The following MLEC variants were observed in gnomAD, a reference collection of about 807,000 sequenced individuals.
MLEC encodes the protein oligosaccharyltransferase complex subunit (non-catalytic).
MLEC carries 7 observed loss-of-function variants against 28.7 expected under a neutral mutation model. The observed-to-expected ratio is 0.24, with a 90% CI of 0.14 to 0.46. MLEC has a LOEUF of 0.46. Among genes scored for constraint, MLEC ranks in the 20% least tolerant of loss-of-function variants. The pLI is 0.99. For missense variants in MLEC, 237 were observed against 391.1 expected (o/e 0.61, Z 3.32); for synonymous variants, 142 against 164.4 (o/e 0.86, Z 1.04).
rs1882305387 is a variant in MLEC, at chr12:120,698,059, TTAG to T, written c.*1515_*1517del. On this transcript the variant is annotated 3_prime_UTR_variant, in exon 5 of 5. Coordinates refer to ENST00000228506, the MANE Select transcript of MLEC (RefSeq NM_014730.4). ...CTGGCCATTGTCATCCATTTCCCAG[TTAG>T]GGCAACAATGAAGGAGGACCCAGCC... 1.3e-5 allele frequency: 2 copies of T among 152,272 alleles called. No homozygotes were observed. Among genetic ancestry groups the T allele is most frequent in the African/African-American group, 4.8e-5 (2 of 41,558 alleles). The allele number at this position is 152,272 out of a possible 1,614,324, so 9.4% of individuals were successfully genotyped here.
chr12:120,688,488 C>A (rs192321238), intron 1 of MLEC, among the ~76,000 whole-genome samples: 1 of 152,298 alleles, frequency 6.6e-6, no homozygotes, highest in East Asian at 1.9e-4. Context: ...ATCTTTGTTT[C>A]TTCTGTTGGA....
Position 120,696,623 on chromosome 12 carries a change from T to C in MLEC, c.*78T>C. ...ATATTGGTTTTGGTTTCTGTATTTT[T>C]CACAATGATTAATGAACAAAAACAA... On this transcript the variant is annotated 3_prime_UTR_variant, in exon 5 of 5. Transcript: ENST00000228506. The surrounding 1 kb of genome is among the most constrained non-coding windows in gnomAD (Gnocchi z 5.4). The C allele has an allele frequency of 6.4e-7, 1 of 1,555,458 alleles. No homozygotes were observed. The highest frequency in any genetic ancestry group is 2.3e-5 in the East Asian group (1 of 44,388).
At chr12:120,689,754 A>C (rs1194527671) in intron 1 of MLEC, among the ~76,000 whole-genome samples, 1 of 152,250 alleles carries the variant, frequency 6.6e-6, no homozygotes, top group Non-Finnish European at 1.5e-5. Context: ...CACTGATTGC[A>C]GTAGGAACTG....
At chr12:120,688,089 C>T (rs893050712) in intron 1 of MLEC, among the ~76,000 whole-genome samples, 21 of 152,184 alleles carry the variant, frequency 1.4e-4, no homozygotes, top group African/African-American at 5.1e-4. Context: ...GGCAGGCCGC[C>T]CCCAGAGGGT....
Position 120,687,453 on chromosome 12 carries a change from A to G in MLEC, c.157A>G (p.Asn53Asp). 7.1e-7 allele frequency: 1 copy of G among 1,413,380 alleles called. No homozygotes were observed. Among genetic ancestry groups the G allele is most frequent in the South Asian group, 1.7e-5 (1 of 57,324 alleles). 87.6% of individuals were successfully genotyped at this position (1,413,380 alleles called of 1,614,324 possible). ...GLPESVIWAV[N>D]AGGEAHVDVH... The stretch of plus-strand genomic sequence containing the variant: ...GCCCGAGAGCGTCATTTGGGCGGTC[A>G]ACGCGGGTGGAGAGGCGCATGTGGA... Residue 53 changes from asparagine to aspartate, a missense_variant, in exon 1 of 5, where the codon AAC (asparagine) becomes GAC (aspartate). By Grantham distance (23) the Asn-to-Asp change is conservative (BLOSUM62 1). Coordinates refer to ENST00000228506, the MANE Select transcript of MLEC (RefSeq NM_014730.4). The surrounding 1 kb of genome is among the most constrained non-coding windows in gnomAD (Gnocchi z 8.1).
rs1299491123 is a variant in MLEC at position 120,700,116 on chromosome 12, G to A, written c.*3571G>A. On this transcript the variant is annotated 3_prime_UTR_variant, in exon 5 of 5. Transcript: ENST00000228506. The surrounding 1 kb of genome is among the most constrained non-coding windows in gnomAD (Gnocchi z 4.0). ...ATTGGCTCACCTTGGGAAACCCAGG[G>A]AAAGAATCAGCAGGTTCTCTGCCCT... 1 of 152,612 alleles carries A rather than the reference G, an allele frequency of 6.6e-6. No homozygotes were observed. The highest frequency in any genetic ancestry group is 1.5e-5 in the Non-Finnish European group (1 of 68,060). 9.5% of individuals were successfully genotyped at this position (152,612 alleles called of 1,614,324 possible).
chr12:120,694,691 C>T lies in MLEC; in HGVS notation c.415-133C>T. ...TGACCCGGGTTAAGGATGCTAACCA[C>T]CCTGGATATCCAGACCCATCATTTC... On this transcript the variant is annotated intron_variant, in intron 2 of 4. Coordinates refer to ENST00000228506, the MANE Select transcript of MLEC (RefSeq NM_014730.4). The surrounding 1 kb of genome is among the most constrained non-coding windows in gnomAD (Gnocchi z 4.5). The T allele has an allele frequency of 2.3e-6, 2 of 870,968 alleles. No homozygotes were observed. The highest frequency in any genetic ancestry group is 3.6e-6 in the Non-Finnish European group (2 of 561,996). The allele number at this position is 870,968 out of a possible 1,614,324, so 54.0% of individuals were successfully genotyped here. A position where few individuals can be genotyped will look rare whatever the true frequency, so the allele number is the denominator to read the frequency against.
rs1187368685 is a variant in MLEC at position 120,694,881 on chromosome 12, C to T, written c.472C>T (p.Arg158Cys). The T allele has an allele frequency of 1.9e-6, 3 of 1,614,084 alleles. No individual in the cohort carries two copies. The highest frequency in any genetic ancestry group is 2.2e-5 in the East Asian group (1 of 44,888). Residue 158 changes from arginine (R) to cysteine (C), a missense_variant, in exon 3 of 5, where the codon CGT (arginine) becomes TGT (cysteine). Physicochemically the swap from Arg to Cys is radical, Grantham distance 180 (BLOSUM62 -3). Transcript: ENST00000228506. The surrounding 1 kb of genome is among the most constrained non-coding windows in gnomAD (Gnocchi z 4.5). Reference sequence around the variant, plus strand: ...GGTGAAGGACTTGGATATCTTTGATCGTGTTGGGCATAGCACAGCTCACGA... The same window carrying T: ...GGTGAAGGACTTGGATATCTTTGATTGTGTTGGGCATAGCACAGCTCACGA... ...VVVKDLDIFD[R>C]VGHSTAHDEI...
At chr12:120,693,006 C>A (rs137992210) in intron 1 of MLEC, among the ~76,000 whole-genome samples, 158 of 152,092 alleles carry the variant, frequency 1.0e-3, no homozygotes, top group African/African-American at 3.7e-3. Context: ...GGATCACCTG[C>A]GGTCAGGAGT....
Position 120,687,201 on chromosome 12 carries a change from G to C in MLEC, c.-96G>C. 1 of 1,271,560 alleles carries C rather than the reference G, an allele frequency of 7.9e-7. No individual in the cohort carries two copies. The highest frequency in any genetic ancestry group is 9.9e-7 in the Non-Finnish European group (1 of 1,005,098). 78.8% of individuals were successfully genotyped at this position (1,271,560 alleles called of 1,614,324 possible). A position where few individuals can be genotyped will look rare whatever the true frequency, so the allele number is the denominator to read the frequency against. ...CGACATGTCCCCGGCGGCTCAGGCG[G>C]AGCGGCCCGTGGCGCTGTTTTTCTG... On this transcript the variant is annotated 5_prime_UTR_variant, in exon 1 of 5. Transcript: ENST00000228506. The surrounding 1 kb of genome is among the most constrained non-coding windows in gnomAD (Gnocchi z 8.1).
At position 120,696,112 on chromosome 12, in the gene MLEC, C is replaced by T. The variant is rs1882221447; in HGVS notation, c.650-204C>T. ...ATAGTGAACCTCCCTATGAGCACGGCTTTTTCTACTTTCTAGTTAAATCTA... is the reference window on the plus strand; with the variant it reads ...ATAGTGAACCTCCCTATGAGCACGGTTTTTTCTACTTTCTAGTTAAATCTA... On this transcript the variant is annotated intron_variant, in intron 4 of 4. Transcript: ENST00000228506. The surrounding 1 kb of genome is among the most constrained non-coding windows in gnomAD (Gnocchi z 5.4). Among the ~76,000 whole-genome samples the T allele has an allele frequency of 6.6e-6, 1 of 152,166 alleles. No individual in the cohort carries two copies. Among genetic ancestry groups the T allele is most frequent in the African/African-American group, 2.4e-5 (1 of 41,446 alleles).
In MLEC at chr12:120,698,422, G is replaced by A. The variant is rs1023665639; in HGVS notation, c.*1877G>A. ...TCAGGCAGCTGGAGGGTTGTGGCCCGAGGCTGCAGTCAGAGGTATACTTCC... is the reference window on the plus strand; with the variant it reads ...TCAGGCAGCTGGAGGGTTGTGGCCCAAGGCTGCAGTCAGAGGTATACTTCC... On this transcript the variant is annotated 3_prime_UTR_variant, in exon 5 of 5. Transcript: ENST00000228506. 2.0e-5 allele frequency: 3 copies of A among 152,188 alleles called. No individual in the cohort carries two copies. The highest frequency in any genetic ancestry group is 1.9e-4 in the East Asian group (1 of 5,196). The allele number at this position is 152,188 out of a possible 1,614,324, so 9.4% of individuals were successfully genotyped here.
Position 120,687,268 on chromosome 12 carries a change from C to A in MLEC, c.-29C>A. 1 of 1,361,846 alleles carries A rather than the reference C, an allele frequency of 7.3e-7. No individual in the cohort carries two copies. Among genetic ancestry groups the A allele is most frequent in the South Asian group, 1.9e-5 (1 of 53,740 alleles). 84.4% of individuals were successfully genotyped at this position (1,361,846 alleles called of 1,614,324 possible). A position where few individuals can be genotyped will look rare whatever the true frequency, so the allele number is the denominator to read the frequency against. On this transcript the variant is annotated 5_prime_UTR_variant, in exon 1 of 5. Coordinates refer to ENST00000228506, the MANE Select transcript of MLEC (RefSeq NM_014730.4). This position sits in a 1 kb window ranked among gnomAD's most constrained non-coding sequence, Gnocchi z 8.1. The stretch of plus-strand genomic sequence containing the variant: ...GCAGCCGGCCGAGGACGAGGGTCGG[C>A]GGGGGCTGCCCCCGTGGTGGTGGCC...
Position 120,700,917 on chromosome 12 carries a change from A to G in MLEC, c.*4372A>G, listed in dbSNP as rs1882423085. 6.6e-6 allele frequency: 1 copy of G among 152,284 alleles called. No individual in the cohort carries two copies. Among genetic ancestry groups the G allele is most frequent in the Admixed American group, 6.5e-5 (1 of 15,272 alleles). 9.4% of individuals were successfully genotyped at this position (152,284 alleles called of 1,614,324 possible). On this transcript the variant is annotated 3_prime_UTR_variant, in exon 5 of 5. Coordinates refer to ENST00000228506, the MANE Select transcript of MLEC (RefSeq NM_014730.4). This position sits in a 1 kb window ranked among gnomAD's most constrained non-coding sequence, Gnocchi z 4.0. Reference sequence around the variant, plus strand: ...TGCTATGGGGGGCCAGATTATCTTGATAAGAGCAGGTGATTTGGGGACTAG... The same window carrying G: ...TGCTATGGGGGGCCAGATTATCTTGGTAAGAGCAGGTGATTTGGGGACTAG...
In MLEC at chr12:120,701,070, G is replaced by T. The variant is rs1882429693; in HGVS notation, c.*4525G>T. 1 of 152,244 alleles carries T rather than the reference G, an allele frequency of 6.6e-6. No homozygotes were observed. The highest frequency in any genetic ancestry group is 1.5e-5 in the Non-Finnish European group (1 of 68,050). 9.4% of individuals were successfully genotyped at this position (152,244 alleles called of 1,614,324 possible). On this transcript the variant is annotated 3_prime_UTR_variant, in exon 5 of 5. Coordinates refer to ENST00000228506, the MANE Select transcript of MLEC (RefSeq NM_014730.4). The surrounding 1 kb of genome is among the most constrained non-coding windows in gnomAD (Gnocchi z 4.0). ...GTGCCTGTTTGAGTTGGCAGAGAGG[G>T]CCTTGGCACCTCTTGCATCCAGGCA... is the stretch of plus-strand genomic sequence containing the variant.
intron 4 of MLEC, 30 bp downstream of exon 4, chr12:120,695,182 C>T (rs375020512): frequency 3.8e-4 from 605 of 1,613,248 alleles, no homozygotes; most frequent in Non-Finnish European, 5.0e-4. Flanking sequence ...GCTTTTTTGA[C>T]TTGAGTGGAG....
chr12:120,691,295 G>T (rs1882028173), intron 1 of MLEC, among the ~76,000 whole-genome samples: 1 of 152,234 alleles, frequency 6.6e-6, no homozygotes, highest in South Asian at 2.1e-4. Context: ...TCCGTGTGAG[G>T]CATTGTATTG....
In MLEC at chr12:120,687,210, G is replaced by T; in HGVS notation, c.-87G>T. The T allele has an allele frequency of 3.9e-6, 5 of 1,295,150 alleles. No individual in the cohort carries two copies. Among genetic ancestry groups the T allele is most frequent in the Admixed American group, 4.2e-5 (1 of 23,932 alleles). 80.2% of individuals were successfully genotyped at this position (1,295,150 alleles called of 1,614,324 possible). A position where few individuals can be genotyped will look rare whatever the true frequency, so the allele number is the denominator to read the frequency against. ...CCCGGCGGCTCAGGCGGAGCGGCCCGTGGCGCTGTTTTTCTGAGTCCGGGG... is the reference window on the plus strand; with the variant it reads ...CCCGGCGGCTCAGGCGGAGCGGCCCTTGGCGCTGTTTTTCTGAGTCCGGGG... On this transcript the variant is annotated 5_prime_UTR_variant, in exon 1 of 5. Coordinates refer to ENST00000228506, the MANE Select transcript of MLEC (RefSeq NM_014730.4). The surrounding 1 kb of genome is among the most constrained non-coding windows in gnomAD (Gnocchi z 8.1).
chr12:120,688,069 A>G (rs1032894514), intron 1 of MLEC, among the ~76,000 whole-genome samples: 1 of 152,136 alleles, frequency 6.6e-6, no homozygotes, highest in African/African-American at 2.4e-5. Context: ...GTGTGCTTAA[A>G]AGTAGAATCG....
Sources: allele counts gnomAD v4.1 joint callset (sites outside exome capture counted in the v4.1 genomes callset), GRCh38; gene constraint gnomAD v4.1.1; non-coding constraint Gnocchi (gnomAD v3.1); transcripts MANE v1.5; gene names NCBI Gene and HGNC (gene_info 2026-07-23, HGNC 2026-07-21).